Variants in ADARB2 observed in about 807,000 individuals in gnomAD.
The protein encoded by ADARB2 is inactive double-stranded RNA-specific editase B2.
Under a neutral mutation model 62.2 loss-of-function variants are expected in ADARB2, and 25 were observed. The observed-to-expected ratio is 0.40, with a 90% CI of 0.29 to 0.56. ADARB2 has a LOEUF of 0.56. ADARB2 is among the 20% of genes least tolerant of loss of function. The probability of loss-of-function intolerance (pLI) is 0.43; values close to 1 mark genes in which losing one functional copy is unlikely to be tolerated. For missense variants in ADARB2, 1,071 were observed against 1,077.4 expected, an observed-to-expected ratio of 0.99 and a Z score of 0.08; for synonymous variants, 572 against 500.8, an observed-to-expected ratio of 1.14 and a Z score of -1.90.
intron 1 of ADARB2, among the ~76,000 whole-genome samples, chr10:1,539,129 T>C (rs2131966506): frequency 6.6e-6 from 1 of 152,300 alleles, no homozygotes; most frequent in South Asian, 2.1e-4. Flanking sequence ...AGAGCGGGTA[T>C]AACAGAAACT....
At chr10:1,550,446 G>A (rs1832602542) in intron 1 of ADARB2, among the ~76,000 whole-genome samples, 2 of 152,176 alleles carry the variant, frequency 1.3e-5, no homozygotes, top group South Asian at 2.1e-4. Flanking sequence ...GGAAACCTCA[G>A]AGCCACCATA....
rs563885379 is a variant in ADARB2 at position 1,260,588 on chromosome 10, C to T, written c.1192+10367G>A. Among the ~76,000 whole-genome samples the T allele has an allele frequency of 4.6e-5, 7 of 151,916 alleles. No individual in the cohort carries two copies. In the South Asian group the frequency reaches 1.5e-3, roughly 32 times the overall value. ...GACAATAAAATACCTAGGAATCCAA[C>T]TTATAAGGGATGTGAAGGACCTCTT... On this transcript the variant is annotated intron_variant, in intron 4 of 9. Transcript: ENST00000381312.
At chr10:1,550,209 A>G (rs1325963410) in intron 1 of ADARB2, among the ~76,000 whole-genome samples, 1 of 152,094 alleles carries the variant, frequency 6.6e-6, no homozygotes, top group Non-Finnish European at 1.5e-5. Context: ...CTCGGAAAAC[A>G]CACAACTACA....
intron 1 of ADARB2, among the ~76,000 whole-genome samples, chr10:1,697,426 C>T (rs1364861604): frequency 5.3e-5 from 8 of 152,132 alleles, no homozygotes; most frequent in Admixed American, 2.0e-4. Flanking sequence ...ACAGAGAACA[C>T]GTGGCTCAAA....
chr10:1,602,520 C>T (rs1392539375), intron 1 of ADARB2, among the ~76,000 whole-genome samples: 1 of 152,164 alleles, frequency 6.6e-6, no homozygotes, highest in Admixed American at 6.5e-5. Context: ...GGCACGACTT[C>T]TTTTGTCATT....
At chr10:1,474,379 C>T (rs759701175) in intron 1 of ADARB2, among the ~76,000 whole-genome samples, 1 of 152,108 alleles carries the variant, frequency 6.6e-6, no homozygotes, top group African/African-American at 2.4e-5. Flanking sequence ...CTGGGACACA[C>T]GGAGCTCAGA....
intron 1 of ADARB2, among the ~76,000 whole-genome samples, chr10:1,584,569 T>C (rs1029704781): frequency 6.6e-6 from 1 of 152,174 alleles, no homozygotes; most frequent in African/African-American, 2.4e-5. Flanking sequence ...GGTCATATGA[T>C]CCAGCAATCG....
At chr10:1,542,981 G>C (rs113510452) in intron 1 of ADARB2, among the ~76,000 whole-genome samples, 7 of 151,550 alleles carry the variant, frequency 4.6e-5, no homozygotes, top group African/African-American at 1.7e-4. Flanking sequence ...ACAGCTGTCC[G>C]TCCGCCCGAG....
At chr10:1,436,410 A>G (rs751278864) in intron 1 of ADARB2, among the ~76,000 whole-genome samples, 36 of 152,348 alleles carry the variant, frequency 2.4e-4, no homozygotes, top group Non-Finnish European at 2.6e-4. Context: ...AAAGCCGATA[A>G]TGTCTGCAGT....
intron 3 of ADARB2, among the ~76,000 whole-genome samples, chr10:1,297,327 A>G (rs1352755129): frequency 6.6e-6 from 1 of 152,234 alleles, no homozygotes. Flanking sequence ...CTTCACTGCA[A>G]CTGAGCCCCA....
intron 2 of ADARB2, among the ~76,000 whole-genome samples, chr10:1,378,825 G>T (rs558038096): frequency 7.7e-4 from 118 of 152,298 alleles, no homozygotes; most frequent in Non-Finnish European, 1.3e-3. Flanking sequence ...GTGGAGATAG[G>T]ATTCTGGGTG....
rs75328628 is a variant in ADARB2 at position 1,704,970 on chromosome 10, G to A, written c.100+32081C>T. Among the ~76,000 whole-genome samples, 2,655 of 152,198 alleles carry A rather than the reference G, an allele frequency of 0.017. 81 individuals carry two copies. Among genetic ancestry groups the A allele is most frequent in the African/African-American group, 0.061 (2,540 of 41,504 alleles). ...TGAGTCTCAGAGGCAATAACCCCAT[G>A]AGCACAGACCCACAGGCAAAGCCCT... is the stretch of plus-strand genomic sequence containing the variant. On this transcript the variant is annotated intron_variant, in intron 1 of 9. Transcript: ENST00000381312. This position sits in a 1 kb window ranked among gnomAD's most constrained non-coding sequence, Gnocchi z 5.6.
At position 1,182,908 on chromosome 10, in the gene ADARB2, T is replaced by C. The variant is rs553582431; in HGVS notation, c.*285A>G. On this transcript the variant is annotated 3_prime_UTR_variant, in exon 10 of 10. Coordinates refer to ENST00000381312, the MANE Select transcript of ADARB2 (RefSeq NM_018702.4). ...TTCCAAGGCTGCAGCTAAAACCCCTTTGCCTGAATGGAGCCCCTCCCTCAG... is the reference window on the plus strand; with the variant it reads ...TTCCAAGGCTGCAGCTAAAACCCCTCTGCCTGAATGGAGCCCCTCCCTCAG... 5.4e-6 allele frequency: 2 copies of C among 371,214 alleles called. No homozygotes were observed. Among genetic ancestry groups the C allele is most frequent in the South Asian group, 7.3e-5 (2 of 27,224 alleles). 23.0% of individuals were successfully genotyped at this position (371,214 alleles called of 1,614,324 possible). A position where few individuals can be genotyped will look rare whatever the true frequency, so the allele number is the denominator to read the frequency against.
At chr10:1,512,061 C>T (rs1831943973) in intron 1 of ADARB2, among the ~76,000 whole-genome samples, 1 of 151,806 alleles carries the variant, frequency 6.6e-6, no homozygotes, top group African/African-American at 2.4e-5. Flanking sequence ...TGGATGCTGT[C>T]TACACTGTAT....
Position 1,252,275 on chromosome 10 carries a change from A to G in ADARB2, c.1193-9976T>C, listed in dbSNP as rs573594531. The stretch of plus-strand genomic sequence containing the variant: ...AATACATTTCAAAATTATAGAAGAT[A>G]TAGAGAGAAAGGAATAATTTTTACT... On this transcript the variant is annotated intron_variant, in intron 4 of 9. Coordinates refer to ENST00000381312, the MANE Select transcript of ADARB2 (RefSeq NM_018702.4). 4.6e-5 allele frequency among the ~76,000 whole-genome samples: 7 copies of G among 152,374 alleles called. No homozygotes were observed. The East Asian group carries it at 1.2e-3, about 25-fold the overall frequency.
intron 1 of ADARB2, among the ~76,000 whole-genome samples, chr10:1,584,953 G>A (rs1170789518): frequency 1.3e-5 from 2 of 152,178 alleles, no homozygotes; most frequent in South Asian, 2.1e-4. Context: ...TTGGAGGAGG[G>A]GGAGGTAAAC....
intron 1 of ADARB2, among the ~76,000 whole-genome samples, chr10:1,594,375 C>T (rs1833304691): frequency 6.6e-6 from 1 of 152,120 alleles, no homozygotes; most frequent in South Asian, 2.1e-4. Context: ...GGTAGCATGC[C>T]TCCTGTCCAC....
chr10:1,395,649 A>G (rs61633784), intron 1 of ADARB2, among the ~76,000 whole-genome samples: 3,354 of 152,138 alleles, frequency 0.022, 76 homozygotes, highest in East Asian at 0.12. Flanking sequence ...GGACCTCCCT[A>G]TAGCTGTTGT....
intron 1 of ADARB2, among the ~76,000 whole-genome samples, chr10:1,412,616 G>A (rs758489605): frequency 2.6e-5 from 4 of 152,102 alleles, no homozygotes; most frequent in Non-Finnish European, 4.4e-5. Flanking sequence ...GCCGGACCGC[G>A]TTTCAGGTAA....
Sources: gnomAD v4.1 joint callset for allele counts (sites outside exome capture counted in the v4.1 genomes callset) on GRCh38, gnomAD v4.1.1 for gene constraint, Gnocchi (gnomAD v3.1) non-coding constraint, MANE v1.5 for transcripts, NCBI Gene and HGNC (gene_info 2026-07-23, HGNC 2026-07-21) for gene names.